Variants in KIAA2012 observed in about 807,000 individuals in gnomAD.
KIAA2012 encodes the protein KIAA2012.
Under a neutral mutation model 150.6 loss-of-function variants are expected in KIAA2012, and 125 were observed. That is an observed-to-expected ratio of 0.83 (90% CI 0.72 to 0.96). The LOEUF is 0.96. Ranked by LOEUF, KIAA2012 falls within the 40% of genes least tolerant of loss-of-function variation. The pLI, the probability that KIAA2012 is intolerant of heterozygous loss-of-function variation, is 0.00. For missense variants in KIAA2012, 1,219 were observed against 1,354.9 expected, an observed-to-expected ratio of 0.90 and a Z score of 1.57; for synonymous variants, 462 against 504.7, an observed-to-expected ratio of 0.92 and a Z score of 1.13.
At chr2:202,138,681 A>G (rs771621846) in intron 13 of KIAA2012, among the ~76,000 whole-genome samples, 173 bp downstream of exon 13, 2 of 152,120 alleles carry the variant, frequency 1.3e-5, no homozygotes, top group Non-Finnish European at 2.9e-5. Flanking sequence ...TTACTCTTAG[A>G]CTTGGAATGT....
intron 15 of KIAA2012, among the ~76,000 whole-genome samples, chr2:202,167,854 A>AAAT (rs947467550): frequency 2.2e-4 from 33 of 151,884 alleles, no homozygotes; most frequent in Middle Eastern, 3.2e-3. Context: ...TAAGAAAATA[A>AAAT]AATAATAATA....
At position 202,183,767 on chromosome 2, in the gene KIAA2012, A is replaced by G. The variant is rs1043156519; in HGVS notation, c.2120-986A>G. 1.1e-4 allele frequency among the ~76,000 whole-genome samples: 16 copies of G among 152,266 alleles called. No homozygotes were observed. The South Asian group carries it at 3.3e-3, about 32-fold the overall frequency. ...GTGATCTGCCTGCCTTGGCTTCCCA[A>G]AGTGTTGAGATTACAGGCGTGAGCC... On this transcript the variant is annotated intron_variant, in intron 15 of 23. Coordinates refer to ENST00000498697, the MANE Select transcript of KIAA2012 (RefSeq NM_001277372.4).
chr2:202,133,323 C>T (rs190092214), intron 12 of KIAA2012, among the ~76,000 whole-genome samples: 4 of 151,406 alleles, frequency 2.6e-5, no homozygotes, highest in African/African-American at 9.7e-5. Context: ...TGCTGTTATG[C>T]ATCTCGAATT....
chr2:202,166,139 T>C (rs943117193), intron 15 of KIAA2012, among the ~76,000 whole-genome samples: 1 of 152,224 alleles, frequency 6.6e-6, no homozygotes, highest in Non-Finnish European at 1.5e-5. Flanking sequence ...AATGACCAAG[T>C]CAGTCAAAAC....
chr2:202,133,130 A>ATATATATATATATATATTT, intron 12 of KIAA2012, among the ~76,000 whole-genome samples: 1 of 67,794 alleles, frequency 1.5e-5, no homozygotes, highest in African/African-American at 5.8e-5. Flanking sequence ...ATATATATAT[A>ATATATATATATATATATTT]TTTTTTTTTT....
At chr2:202,115,890 G>A (rs1690507882) in intron 11 of KIAA2012, 1 of 143,558 alleles carries the variant, frequency 7.0e-6, no homozygotes, top group African/African-American at 2.6e-5. Flanking sequence ...ACAGCATAGG[G>A]AAATGAATAT....
At chr2:202,094,625 T>A (rs1307894346) in intron 4 of KIAA2012, among the ~76,000 whole-genome samples, 1 of 152,066 alleles carries the variant, frequency 6.6e-6, no homozygotes, top group Non-Finnish European at 1.5e-5. Context: ...GCTCAAGCAA[T>A]CCTCCCACTT....
chr2:202,134,392 CCCTGA>C (rs1160814682), intron 12 of KIAA2012, among the ~76,000 whole-genome samples: 1 of 152,178 alleles, frequency 6.6e-6, no homozygotes, highest in African/African-American at 2.4e-5. Context: ...CTTTCCCAAA[CCCTGA>C]CATGTATCTA....
In KIAA2012 at chr2:202,202,212, CCTCT is replaced by C. The variant is rs529030263; in HGVS notation, c.3408-214_3408-211del. 5.2e-4 allele frequency among the ~76,000 whole-genome samples: 79 copies of C among 152,250 alleles called. 1 individual carries two copies. The highest frequency in any genetic ancestry group is 1.7e-3 in the African/African-American group (72 of 41,542). Reference sequence around the variant, plus strand: ...AGCAGTGTAAGAACTGTGAATTATGCCTCTCTTTTTACTTTTCCAGTAGGAGGCT... The same window carrying C: ...AGCAGTGTAAGAACTGTGAATTATGCCTTTTTACTTTTCCAGTAGGAGGCT... On this transcript the variant is annotated intron_variant, in intron 22 of 23. Transcript: ENST00000498697.
At chr2:202,136,920 T>G (rs1269238920) in intron 12 of KIAA2012, 1 of 152,124 alleles carries the variant, frequency 6.6e-6, no homozygotes, top group Non-Finnish European at 1.5e-5. Flanking sequence ...GTGGTAAATC[T>G]CGGCTCACTG....
At chr2:202,186,871 C>T in intron 16 of KIAA2012, 62 bp from the exon 17 acceptor site, 1 of 1,512,194 alleles carries the variant, frequency 6.6e-7, no homozygotes. Context: ...GGCTCACTTG[C>T]CCTCTTTCTT....
At chr2:202,151,992 T>G (rs886618544) in intron 13 of KIAA2012, among the ~76,000 whole-genome samples, 2 of 152,164 alleles carry the variant, frequency 1.3e-5, no homozygotes, top group African/African-American at 4.8e-5. Flanking sequence ...CTCAAACTCC[T>G]GAACTCAGGC....
At chr2:202,131,152 G>GTTTTTTTTTTTTTTTTTTTT in intron 12 of KIAA2012, among the ~76,000 whole-genome samples, 1 of 151,864 alleles carries the variant, frequency 6.6e-6, no homozygotes, top group Non-Finnish European at 1.5e-5. Context: ...TTGTTTGTTT[G>GTTTTTTTTTTTTTTTTTTTT]TTTTGAGATG....
intron 9 of KIAA2012, 70 bp downstream of exon 9, chr2:202,105,980 G>A: frequency 1.3e-6 from 2 of 1,550,126 alleles, no homozygotes; most frequent in Non-Finnish European, 1.7e-6. Flanking sequence ...AGACACACAA[G>A]GGTCCACAGC....
At chr2:202,202,018 GC>G in intron 22 of KIAA2012, 3 of 576,686 alleles carry the variant, frequency 5.2e-6, no homozygotes, top group Admixed American at 6.0e-5. Context: ...TGGCGCTGCC[GC>G]CGCAGTTTTT....
At chr2:202,078,293 C>G (rs1293023571) in intron 2 of KIAA2012, among the ~76,000 whole-genome samples, 1 of 152,146 alleles carries the variant, frequency 6.6e-6, no homozygotes, top group Admixed American at 6.5e-5. Context: ...CAATGTTTTT[C>G]TTTTGTTTTG....
chr2:202,133,132 T>A (rs868127619), intron 12 of KIAA2012, among the ~76,000 whole-genome samples: 1,479 of 96,156 alleles, frequency 0.015, 72 homozygotes, highest in African/African-American at 0.037. Flanking sequence ...ATATATATAT[T>A]TTTTTTTTTT....
rs2105753118 is a variant in KIAA2012, at chr2:202,196,954, A to G, written c.3342A>G (p.Gln1114=). 2.6e-6 allele frequency: 4 copies of G among 1,550,654 alleles called. No homozygotes were observed. The Middle Eastern group carries it at 5.0e-4, about 194-fold the overall frequency. ...KARLEAEERR[Q]KEEEAARLAL... ...GGCTGGAGGCAGAGGAGAGGAGGCAAAAAGAAGAGGAAGCAGCAAGACTGG... is the reference window on the plus strand; with the variant it reads ...GGCTGGAGGCAGAGGAGAGGAGGCAGAAAGAAGAGGAAGCAGCAAGACTGG... Residue 1114 remains glutamine (Q), a synonymous_variant, in exon 22 of 24, where the codon CAA becomes CAG. Transcript: ENST00000498697.
At chr2:202,136,440 C>G (rs931536074) in intron 12 of KIAA2012, 4 of 152,568 alleles carry the variant, frequency 2.6e-5, no homozygotes, top group African/African-American at 9.7e-5. Context: ...TTTAGCTAGA[C>G]ACAGATTGCT....
Sources: allele counts gnomAD v4.1 joint callset (sites outside exome capture counted in the v4.1 genomes callset), GRCh38; gene constraint gnomAD v4.1.1; transcripts MANE v1.5; gene names NCBI Gene and HGNC (gene_info 2026-07-23, HGNC 2026-07-21).